SLC2A13: variants seen among roughly 807,000 people sequenced by gnomAD.
SLC2A13 encodes the protein proton myo-inositol cotransporter.
A neutral mutation model predicts 64.4 loss-of-function variants in SLC2A13; 32 were observed. The observed-to-expected ratio is 0.50, with a 90% CI of 0.37 to 0.67. The LOEUF (loss-of-function observed/expected upper bound fraction) is 0.67. Ranked by LOEUF, SLC2A13 falls within the 30% of genes least tolerant of loss-of-function variation. The pLI is 0.00. For synonymous variants in SLC2A13, 338 were observed against 327.1 expected (o/e 1.03, Z -0.36); for missense variants, 743 against 829.2 (o/e 0.90, Z 1.28).
chr12:40,071,659 T>C (rs907811725), intron 1 of SLC2A13, among the ~76,000 whole-genome samples: 1 of 152,168 alleles, frequency 6.6e-6, no homozygotes. Context: ...TGGAAGGTTA[T>C]GATATATTGT....
chr12:39,981,011 T>A (rs1048893700), intron 3 of SLC2A13, among the ~76,000 whole-genome samples: 1 of 151,704 alleles, frequency 6.6e-6, no homozygotes, highest in African/African-American at 2.4e-5. Flanking sequence ...GAACTCAGGA[T>A]TAAGAATCTC....
chr12:40,005,414 T>G (rs956378331), intron 3 of SLC2A13, among the ~76,000 whole-genome samples: 1 of 151,968 alleles, frequency 6.6e-6, no homozygotes, highest in East Asian at 1.9e-4. Flanking sequence ...ACAAAGGGTA[T>G]GTGGGTGTGT....
intron 3 of SLC2A13, among the ~76,000 whole-genome samples, chr12:39,958,788 GT>G (rs2136110597): frequency 6.6e-6 from 1 of 152,122 alleles, no homozygotes; most frequent in Non-Finnish European, 1.5e-5. Flanking sequence ...CTCTTACAAT[GT>G]TCCTTCTGCT....
At chr12:40,082,104 T>C (rs1938425091) in intron 1 of SLC2A13, among the ~76,000 whole-genome samples, 1 of 152,164 alleles carries the variant, frequency 6.6e-6, no homozygotes, top group South Asian at 2.1e-4. Context: ...CAATGCAGTC[T>C]GCCAGCAAAA....
intron 1 of SLC2A13, among the ~76,000 whole-genome samples, chr12:40,052,403 A>C (rs1192729128): frequency 6.6e-6 from 1 of 152,004 alleles, no homozygotes; most frequent in African/African-American, 2.4e-5. Context: ...CATGCTAAGC[A>C]AAAAAAGGGT....
At chr12:39,833,383 A>T (rs1475032517) in intron 6 of SLC2A13, among the ~76,000 whole-genome samples, 1 of 151,918 alleles carries the variant, frequency 6.6e-6, no homozygotes, top group Non-Finnish European at 1.5e-5. Context: ...TCCAAGAACA[A>T]CTGCTCTGCT....
intron 7 of SLC2A13, among the ~76,000 whole-genome samples, chr12:39,768,022 T>A (rs1420430468): frequency 6.6e-6 from 1 of 152,030 alleles, no homozygotes; most frequent in African/African-American, 2.4e-5. Context: ...GACTAATACA[T>A]CACCTTTATT....
chr12:39,925,030 A>ATTTTTTTTTTT (rs58902176), intron 4 of SLC2A13, among the ~76,000 whole-genome samples: 1 of 119,130 alleles, frequency 8.4e-6, no homozygotes, highest in Non-Finnish European at 1.7e-5. Flanking sequence ...CATACAGATA[A>ATTTTTTTTTTT]TTTTTTTTTT....
intron 4 of SLC2A13, among the ~76,000 whole-genome samples, chr12:39,930,139 A>AC (rs1387302367): frequency 6.6e-6 from 1 of 151,926 alleles, no homozygotes; most frequent in Admixed American, 6.6e-5. Context: ...TCAAAAAAAA[A>AC]AAAAAACCAA....
chr12:40,010,933 C>G (rs1020341289), intron 3 of SLC2A13, among the ~76,000 whole-genome samples: 3 of 152,092 alleles, frequency 2.0e-5, no homozygotes, highest in Admixed American at 1.3e-4. Flanking sequence ...TGGGGCCCAC[C>G]AGTTGGTTTG....
At chr12:40,065,750 A>T (rs148101720) in intron 1 of SLC2A13, among the ~76,000 whole-genome samples, 4 of 152,328 alleles carry the variant, frequency 2.6e-5, no homozygotes, top group Non-Finnish European at 5.9e-5. Flanking sequence ...ACAAAACATA[A>T]CCACAATGGA....
At chr12:39,801,958 C>A (rs1164492178) in intron 7 of SLC2A13, among the ~76,000 whole-genome samples, 3 of 152,156 alleles carry the variant, frequency 2.0e-5, no homozygotes, top group African/African-American at 7.2e-5. Flanking sequence ...TCCTCATTCC[C>A]ACAGAGCTTA....
intron 1 of SLC2A13, among the ~76,000 whole-genome samples, chr12:40,098,531 C>G (rs1939040316): frequency 6.6e-6 from 1 of 152,150 alleles, no homozygotes; most frequent in Admixed American, 6.5e-5. Flanking sequence ...CTAAAACAAA[C>G]AAAAGTAATG....
chr12:39,813,408 A>G (rs1942248417), intron 7 of SLC2A13, among the ~76,000 whole-genome samples: 1 of 152,122 alleles, frequency 6.6e-6, no homozygotes, highest in Non-Finnish European at 1.5e-5. Context: ...CACATGGCCA[A>G]TGACATTTCA....
intron 4 of SLC2A13, among the ~76,000 whole-genome samples, chr12:39,895,514 TTATATATATATATA>T (rs777418112): frequency 0.14 from 8,150 of 56,652 alleles, 1,265 homozygotes; most frequent in East Asian, 0.35. Flanking sequence ...AAAAAAAAAA[TTATATATATATATA>T]TATATATATA....
intron 4 of SLC2A13, among the ~76,000 whole-genome samples, chr12:39,940,799 T>C (rs1291261686): frequency 6.6e-6 from 1 of 152,140 alleles, no homozygotes; most frequent in African/African-American, 2.4e-5. Flanking sequence ...TGTGAGATTT[T>C]GGTGCACCCA....
intron 3 of SLC2A13, among the ~76,000 whole-genome samples, chr12:40,017,880 C>G (rs958767555): frequency 1.3e-5 from 2 of 151,190 alleles, no homozygotes; most frequent in Non-Finnish European, 2.9e-5. Context: ...CCTGTGCACA[C>G]TTACACGTGG....
rs78117289 is a variant in SLC2A13 at position 39,765,572 on chromosome 12, A to G, written c.1446-714T>C. 6.7e-3 allele frequency among the ~76,000 whole-genome samples: 1,019 copies of G among 152,120 alleles called. 13 individuals are homozygous for G. The highest frequency in any genetic ancestry group is 0.023 in the African/African-American group (967 of 41,526). On this transcript the variant is annotated intron_variant, in intron 7 of 9. Coordinates refer to ENST00000280871, the MANE Select transcript of SLC2A13 (RefSeq NM_052885.4). Reference sequence around the variant, plus strand: ...TATTGTTCTGTCTCCTTCAACCTCTATCTTTGAACCTTGTCATCCAAGCCC... The same window carrying G: ...TATTGTTCTGTCTCCTTCAACCTCTGTCTTTGAACCTTGTCATCCAAGCCC...
intron 2 of SLC2A13, among the ~76,000 whole-genome samples, chr12:40,038,730 CA>C (rs34951191): frequency 1.1e-3 from 121 of 107,242 alleles, no homozygotes; most frequent in South Asian, 1.9e-3. Flanking sequence ...GACCCTGTCT[CA>C]AAAAAAAAAA....
Sources: allele counts gnomAD v4.1 joint callset (sites outside exome capture counted in the v4.1 genomes callset), GRCh38; gene constraint gnomAD v4.1.1; transcripts MANE v1.5; gene names NCBI Gene and HGNC (gene_info 2026-07-23, HGNC 2026-07-21).